ARB2A: variants seen among roughly 807,000 people sequenced by gnomAD.
The protein encoded by ARB2A is cotranscriptional regulator ARB2A.
At chr5:93,776,323 A>G in the ARB2A span, 1 of 1,140,518 alleles carries the variant, frequency 8.8e-7, no homozygotes, top group East Asian at 2.5e-5. Flanking sequence ...AATTTATCCT[A>G]TAAAATCAAC....
chr5:94,101,810 G>C, the ARB2A span, among the ~76,000 whole-genome samples: 1 of 151,966 alleles, frequency 6.6e-6, no homozygotes, highest in South Asian at 2.1e-4. Context: ...AGGTGAGGAG[G>C]AGGGCAATTA....
At chr5:93,800,896 G>T in the ARB2A span, among the ~76,000 whole-genome samples, 5 of 152,046 alleles carry the variant, frequency 3.3e-5, no homozygotes, top group Non-Finnish European at 5.9e-5. Context: ...AGCTGAAATA[G>T]AGAATGAAAT....
At chr5:94,081,437 CCTGA>C in the ARB2A span, among the ~76,000 whole-genome samples, 4 of 152,276 alleles carry the variant, frequency 2.6e-5, no homozygotes, top group East Asian at 1.9e-4. Context: ...GTTGAAACAA[CCTGA>C]CTGTCAACTG....
chr5:93,690,886 T>TA, the ARB2A span, among the ~76,000 whole-genome samples: 2 of 152,142 alleles, frequency 1.3e-5, no homozygotes, highest in African/African-American at 4.8e-5. Flanking sequence ...CCGCTGGTGA[T>TA]ACCCAGGCAA....
chr5:93,977,737 A>G, the ARB2A span, among the ~76,000 whole-genome samples: 1 of 152,202 alleles, frequency 6.6e-6, no homozygotes, highest in East Asian at 1.9e-4. Context: ...CCTCAAAAGC[A>G]AATGCAACAA....
the ARB2A span, among the ~76,000 whole-genome samples, chr5:93,889,496 T>A: frequency 6.6e-5 from 10 of 152,004 alleles, no homozygotes; most frequent in Admixed American, 1.3e-4. Context: ...TATGGTTTCT[T>A]TGTAACCTTT....
the ARB2A span, among the ~76,000 whole-genome samples, chr5:93,781,481 G>A: frequency 6.6e-6 from 1 of 152,102 alleles, no homozygotes; most frequent in African/African-American, 2.4e-5. Context: ...ATCATGAATA[G>A]CACTGCGATA....
At chr5:93,630,658 G>A in the ARB2A span, among the ~76,000 whole-genome samples, 1 of 152,124 alleles carries the variant, frequency 6.6e-6, no homozygotes. Context: ...TAAGATTCAG[G>A]GAAGACGGGT....
the ARB2A span, among the ~76,000 whole-genome samples, chr5:93,818,819 G>T: frequency 2.6e-5 from 4 of 152,150 alleles, no homozygotes; most frequent in Non-Finnish European, 4.4e-5. Context: ...TAACTGATTA[G>T]GTAGAATTCC....
At chr5:93,903,796 G>A in the ARB2A span, among the ~76,000 whole-genome samples, 1 of 151,368 alleles carries the variant, frequency 6.6e-6, no homozygotes, top group Non-Finnish European at 1.5e-5. Flanking sequence ...GATAGTCCTA[G>A]CCACAAAGCA....
At chr5:93,889,071 G>A in the ARB2A span, among the ~76,000 whole-genome samples, 1 of 151,470 alleles carries the variant, frequency 6.6e-6, no homozygotes, top group Non-Finnish European at 1.5e-5. Context: ...TTCCTAAAAT[G>A]TCTACATGAG....
the ARB2A span, among the ~76,000 whole-genome samples, chr5:93,691,281 A>G: frequency 0.044 from 6,750 of 152,080 alleles, 466 homozygotes; most frequent in African/African-American, 0.15. Flanking sequence ...GAACCTTGAA[A>G]AAAGGTTAGA....
At chr5:93,954,119 A>C in the ARB2A span, among the ~76,000 whole-genome samples, 1 of 151,960 alleles carries the variant, frequency 6.6e-6, no homozygotes, top group Admixed American at 6.5e-5. Flanking sequence ...GCTCTATCCC[A>C]CTATGGCCGA....
chr5:93,899,459 T>TA, the ARB2A span, among the ~76,000 whole-genome samples: 8 of 152,032 alleles, frequency 5.3e-5, no homozygotes, highest in Non-Finnish European at 1.2e-4. Flanking sequence ...GGTTTAGGCT[T>TA]AAAAAAAATT....
At chr5:93,687,986 T>C in the ARB2A span, among the ~76,000 whole-genome samples, 8 of 151,864 alleles carry the variant, frequency 5.3e-5, no homozygotes, top group Non-Finnish European at 1.0e-4. Context: ...TTTTTTTTTT[T>C]TCTTTGAGAT....
chr5:93,903,079 A>G, the ARB2A span, among the ~76,000 whole-genome samples: 2 of 152,086 alleles, frequency 1.3e-5, no homozygotes, highest in Admixed American at 6.6e-5. Context: ...AAATTGTAAC[A>G]TGGTCAGCGT....
chr5:94,095,860 T>C, the ARB2A span, among the ~76,000 whole-genome samples: 8 of 152,280 alleles, frequency 5.3e-5, no homozygotes, highest in East Asian at 1.9e-4. Flanking sequence ...CTGTTTTTTT[T>C]CCCTTATCTA....
At chr5:93,701,566 C>T in the ARB2A span, among the ~76,000 whole-genome samples, 9 of 151,904 alleles carry the variant, frequency 5.9e-5, no homozygotes, top group Non-Finnish European at 1.2e-4. Flanking sequence ...AAATTCCAAA[C>T]CAATAATCCC....
At chr5:94,105,891 C>T in the ARB2A span, among the ~76,000 whole-genome samples, 2 of 151,940 alleles carry the variant, frequency 1.3e-5, no homozygotes, top group African/African-American at 4.8e-5. Flanking sequence ...AAAAGGACTC[C>T]CTATTCAATA....
Sources: allele counts gnomAD v4.1 joint callset (sites outside exome capture counted in the v4.1 genomes callset), GRCh38; gene constraint gnomAD v4.1.1; transcripts MANE v1.5; gene names NCBI Gene and HGNC (gene_info 2026-07-23, HGNC 2026-07-21).